Variants in DSCAML1 observed in about 807,000 individuals in gnomAD.
The protein encoded by DSCAML1 is cell adhesion molecule DSCAML1.
In DSCAML1, 38 loss-of-function variants were observed where a neutral mutation model predicts 200.5. That is an observed-to-expected ratio of 0.19 (90% CI 0.15 to 0.25). The LOEUF (loss-of-function observed/expected upper bound fraction) is 0.25. Among genes scored for constraint, DSCAML1 ranks in the 10% least tolerant of loss-of-function variants. DSCAML1 has a pLI of 1.00. For missense variants in DSCAML1, 2,223 were observed against 2,858.8 expected (o/e 0.78, Z 5.07); for synonymous variants, 1,215 against 1,165.0 (o/e 1.04, Z -0.87).
At chr11:117,684,435 T>TAAAAAAAAAAAAAAAAA (rs149958154) in intron 3 of DSCAML1, among the ~76,000 whole-genome samples, 2 of 74,596 alleles carry the variant, frequency 2.7e-5, no homozygotes, top group African/African-American at 4.2e-5. Flanking sequence ...TTTCATTAAC[T>TAAAAAAAAAAAAAAAAA]AAAAAAAAAA....
In DSCAML1 at chr11:117,642,904, G is replaced by C. The variant is rs1423309841; in HGVS notation, c.512-110382C>G. On this transcript the variant is annotated intron_variant, in intron 3 of 32. Transcript: ENST00000651296. This position sits in a 1 kb window ranked among gnomAD's most constrained non-coding sequence, Gnocchi z 4.1. ...TTGCTTACCCCAGGAAGCCCTCAGGGAGTAAAAGGAAGAGACGCCAGGACA... is the reference window on the plus strand; with the variant it reads ...TTGCTTACCCCAGGAAGCCCTCAGGCAGTAAAAGGAAGAGACGCCAGGACA... 6.6e-6 allele frequency among the ~76,000 whole-genome samples: 1 copy of C among 152,182 alleles called. No homozygotes were observed. The highest frequency in any genetic ancestry group is 2.4e-5 in the African/African-American group (1 of 41,432).
intron 21 of DSCAML1, among the ~76,000 whole-genome samples, chr11:117,440,919 T>TC (rs2048031684): frequency 2.1e-5 from 1 of 48,592 alleles, no homozygotes; most frequent in Admixed American, 3.1e-4. Flanking sequence ...AGACTCTGTC[T>TC]CAAAAAAAAA....
At chr11:117,724,041 A>G (rs914083142) in intron 3 of DSCAML1, among the ~76,000 whole-genome samples, 1 of 152,228 alleles carries the variant, frequency 6.6e-6, no homozygotes, top group African/African-American at 2.4e-5. Context: ...AGCTGCACTT[A>G]GAAGCAACCC....
intron 5 of DSCAML1, among the ~76,000 whole-genome samples, chr11:117,523,501 C>T (rs1019417314): frequency 1.3e-5 from 2 of 152,212 alleles, no homozygotes; most frequent in African/African-American, 4.8e-5. Context: ...CGTGCACTGC[C>T]ATCCCAGAGC....
rs997743202 is a variant in DSCAML1, at chr11:117,463,071, C to T, written c.3266-1475G>A. The stretch of plus-strand genomic sequence containing the variant: ...GGGGCAGGCTGGCCTCGGCTCAGCA[C>T]GACTGTTCCCTGGACACACCTTCCT... On this transcript the variant is annotated intron_variant, in intron 17 of 32. Coordinates refer to ENST00000651296, the MANE Select transcript of DSCAML1 (RefSeq NM_020693.4). This position sits in a 1 kb window ranked among gnomAD's most constrained non-coding sequence, Gnocchi z 4.0. Among the ~76,000 whole-genome samples the T allele has an allele frequency of 4.6e-5, 7 of 152,198 alleles. No homozygotes were observed. The highest frequency in any genetic ancestry group is 2.6e-4 in the Admixed American group (4 of 15,292).
chr11:117,774,733 G>C (rs568969866), intron 3 of DSCAML1, among the ~76,000 whole-genome samples: 1 of 152,114 alleles, frequency 6.6e-6, no homozygotes, highest in Non-Finnish European at 1.5e-5. Context: ...ACATTTATAC[G>C]GTGGGTGAGG....
At chr11:117,497,247 A>G (rs2049306815) in intron 11 of DSCAML1, among the ~76,000 whole-genome samples, 1 of 152,194 alleles carries the variant, frequency 6.6e-6, no homozygotes. Flanking sequence ...CAGTTTACCC[A>G]GGGCATAGCG....
intron 3 of DSCAML1, among the ~76,000 whole-genome samples, chr11:117,565,607 G>C (rs920616097): frequency 6.6e-6 from 1 of 152,236 alleles, no homozygotes; most frequent in African/African-American, 2.4e-5. Flanking sequence ...TCCTGGATGA[G>C]TGTCTGCCAC....
At chr11:117,510,109 G>A (rs891635329) in intron 8 of DSCAML1, among the ~76,000 whole-genome samples, 3 of 152,244 alleles carry the variant, frequency 2.0e-5, no homozygotes, top group African/African-American at 7.2e-5. Flanking sequence ...ATGGCCACTT[G>A]TTTGGGAGTG....
At chr11:117,739,015 T>G (rs747189917) in intron 3 of DSCAML1, among the ~76,000 whole-genome samples, 1 of 152,192 alleles carries the variant, frequency 6.6e-6, no homozygotes, top group African/African-American at 2.4e-5. Flanking sequence ...AAACAACACA[T>G]GTAGTTTGTA....
At chr11:117,570,798 A>G (rs1341940947) in intron 3 of DSCAML1, among the ~76,000 whole-genome samples, 1 of 152,216 alleles carries the variant, frequency 6.6e-6, no homozygotes, top group Non-Finnish European at 1.5e-5. Flanking sequence ...ATGACCCTTC[A>G]CAGGGGTGGG....
chr11:117,655,532 G>C (rs1034159065), intron 3 of DSCAML1, among the ~76,000 whole-genome samples: 1 of 152,206 alleles, frequency 6.6e-6, no homozygotes, highest in African/African-American at 2.4e-5. Context: ...GGCCTGTCTG[G>C]TGTAAAGTCA....
chr11:117,529,912 C>T lies in DSCAML1; in HGVS notation c.658+2464G>A, dbSNP rs765937346. Among the ~76,000 whole-genome samples, 8 of 152,132 alleles carry T rather than the reference C, an allele frequency of 5.3e-5. No homozygotes were observed. The East Asian group carries it at 5.8e-4, about 11-fold the overall frequency. ...GCTCCAGTATCAGTTGCATTTTTGC[C>T]GAGACAAGCAGCTTGCAGATCGCCT... On this transcript the variant is annotated intron_variant, in intron 4 of 32. Transcript: ENST00000651296.
At chr11:117,475,706 G>A (rs1314211136) in intron 14 of DSCAML1, among the ~76,000 whole-genome samples, 1 of 152,210 alleles carries the variant, frequency 6.6e-6, no homozygotes, top group Non-Finnish European at 1.5e-5. Context: ...TGGCCACAGT[G>A]TACTCTTTGC....
intron 2 of DSCAML1, among the ~76,000 whole-genome samples, chr11:117,779,741 T>C (rs1355653016): frequency 2.0e-5 from 3 of 152,138 alleles, no homozygotes; most frequent in Non-Finnish European, 4.4e-5. Flanking sequence ...TTGTTAGAAA[T>C]CAGAATAGTG....
chr11:117,457,815 G>A (rs1034176479), intron 19 of DSCAML1, among the ~76,000 whole-genome samples: 1 of 152,168 alleles, frequency 6.6e-6, no homozygotes, highest in Non-Finnish European at 1.5e-5. Flanking sequence ...GTTTGGGTAG[G>A]ATCTAGACTC....
intron 1 of DSCAML1, among the ~76,000 whole-genome samples, chr11:117,814,342 T>G (rs1029721759): frequency 6.6e-6 from 1 of 152,208 alleles, no homozygotes; most frequent in Non-Finnish European, 1.5e-5. Context: ...ACTTAGTTCA[T>G]AATTGGCTAA....
intron 3 of DSCAML1, among the ~76,000 whole-genome samples, chr11:117,628,708 G>A (rs534933435): frequency 6.6e-6 from 1 of 152,236 alleles, no homozygotes; most frequent in African/African-American, 2.4e-5. Context: ...CAGTCTTCTG[G>A]GATGGACACT....
intron 3 of DSCAML1, among the ~76,000 whole-genome samples, chr11:117,774,450 TTG>T (rs1259905901): frequency 1.3e-5 from 2 of 152,328 alleles, no homozygotes; most frequent in Non-Finnish European, 2.9e-5. Context: ...TGTTCATATA[TTG>T]ATTCATTTCA....
Sources: allele counts gnomAD v4.1 joint callset (sites outside exome capture counted in the v4.1 genomes callset), GRCh38; gene constraint gnomAD v4.1.1; non-coding constraint Gnocchi (gnomAD v3.1); transcripts MANE v1.5; gene names NCBI Gene and HGNC (gene_info 2026-07-23, HGNC 2026-07-21).